Variants in CTNNA2 observed in about 807,000 individuals in gnomAD.
CTNNA2 encodes catenin alpha 2.
In CTNNA2, 42 loss-of-function variants were observed where a neutral mutation model predicts 101.0. That is an observed-to-expected ratio of 0.42 (90% CI 0.32 to 0.54). CTNNA2 has a LOEUF of 0.54. CTNNA2 is among the 20% of genes least tolerant of loss of function. The pLI is 0.14. For synonymous variants in CTNNA2, 450 were observed against 456.4 expected, an observed-to-expected ratio of 0.99 and a Z score of 0.18; for missense variants, 871 against 1,223.1, an observed-to-expected ratio of 0.71 and a Z score of 4.29.
At chr2:79,297,785 CT>C (rs1198282198) in intron 2 of CTNNA2, among the ~76,000 whole-genome samples, 4 of 152,274 alleles carry the variant, frequency 2.6e-5, no homozygotes, top group Admixed American at 2.6e-4. Context: ...TGTCAAACTG[CT>C]TTAACTCTAA....
At chr2:80,073,839 CA>C (rs1475517671) in intron 7 of CTNNA2, among the ~76,000 whole-genome samples, 1 of 151,672 alleles carries the variant, frequency 6.6e-6, no homozygotes, top group Non-Finnish European at 1.5e-5. Context: ...AATCATTTTT[CA>C]ATGTCATTAC....
chr2:80,316,666 G>T (rs1678157102), intron 7 of CTNNA2, among the ~76,000 whole-genome samples: 2 of 152,134 alleles, frequency 1.3e-5, no homozygotes, highest in Admixed American at 1.3e-4. Context: ...TGTGATGTTT[G>T]CTTGCCATAT....
intron 3 of CTNNA2, among the ~76,000 whole-genome samples, chr2:79,842,793 T>A (rs1679927204): frequency 1.3e-5 from 2 of 152,184 alleles, no homozygotes; most frequent in Admixed American, 6.5e-5. Flanking sequence ...GTATTTTGCC[T>A]GGTATCTACT....
chr2:80,583,720 C>G (rs989412396), intron 14 of CTNNA2, among the ~76,000 whole-genome samples: 1 of 152,112 alleles, frequency 6.6e-6, no homozygotes, highest in African/African-American at 2.4e-5. Context: ...AGAATAGAGT[C>G]GCAATATACT....
intron 1 of CTNNA2, among the ~76,000 whole-genome samples, chr2:79,516,265 A>G (rs1671803062): frequency 6.6e-6 from 1 of 152,238 alleles, no homozygotes. Flanking sequence ...AAACATTATT[A>G]TAATTAGGAG....
At chr2:79,972,180 G>A (rs1386131686) in intron 7 of CTNNA2, among the ~76,000 whole-genome samples, 1 of 152,130 alleles carries the variant, frequency 6.6e-6, no homozygotes, top group Non-Finnish European at 1.5e-5. Context: ...CCACACAAAA[G>A]GAGCAGAACC....
At chr2:79,544,110 G>A (rs906912486) in intron 1 of CTNNA2, among the ~76,000 whole-genome samples, 4 of 152,152 alleles carry the variant, frequency 2.6e-5, no homozygotes, top group Non-Finnish European at 5.9e-5. Flanking sequence ...GCTAATTTTT[G>A]TATTTTTGGT....
chr2:79,973,695 G>A (rs1391992122), intron 7 of CTNNA2, among the ~76,000 whole-genome samples: 1 of 152,150 alleles, frequency 6.6e-6, no homozygotes, highest in Non-Finnish European at 1.5e-5. Flanking sequence ...AACTATGTAT[G>A]TATTCACAGA....
chr2:80,381,550 G>A (rs1189825274), intron 7 of CTNNA2, among the ~76,000 whole-genome samples: 1 of 152,098 alleles, frequency 6.6e-6, no homozygotes, highest in East Asian at 1.9e-4. Flanking sequence ...GACAGGAAGA[G>A]GTCATTCTCA....
intron 7 of CTNNA2, among the ~76,000 whole-genome samples, chr2:80,013,872 C>T (rs1693953469): frequency 1.3e-5 from 2 of 152,190 alleles, no homozygotes; most frequent in African/African-American, 4.8e-5. Flanking sequence ...GCTGGCTCCT[C>T]CTCCAGTAGC....
chr2:79,485,964 G>T (rs548083553), intron 4 of CTNNA2, among the ~76,000 whole-genome samples: 1 of 152,078 alleles, frequency 6.6e-6, no homozygotes, highest in African/African-American at 2.4e-5. Flanking sequence ...GATGACCATC[G>T]TGTAAGTGGA....
intron 2 of CTNNA2, among the ~76,000 whole-genome samples, chr2:79,692,945 CA>C (rs942867403): frequency 2.0e-5 from 3 of 151,628 alleles, no homozygotes; most frequent in Non-Finnish European, 4.4e-5. Context: ...ATGGGTGCAG[CA>C]AACCACCATG....
rs78615891 is a variant in CTNNA2, at chr2:80,178,998, G to C, written c.1057-214213G>C. ...TGGACCAGTATGATATCTTGTGGAA[G>C]GGAAAAGCGATCAAGATCTTTGTGA... On this transcript the variant is annotated intron_variant, in intron 7 of 18. Transcript: ENST00000402739. 6.1e-4 allele frequency among the ~76,000 whole-genome samples: 93 copies of C among 152,322 alleles called. 2 individuals are homozygous for C. The East Asian group carries it at 0.014, about 23-fold the overall frequency.
chr2:80,120,071 A>G (rs984649159), intron 7 of CTNNA2, among the ~76,000 whole-genome samples: 3 of 152,132 alleles, frequency 2.0e-5, no homozygotes, highest in African/African-American at 7.2e-5. Context: ...CTGAGGAGGA[A>G]CTTTTTAAAT....
chr2:79,716,038 G>T (rs112253229), intron 2 of CTNNA2, among the ~76,000 whole-genome samples: 2 of 151,648 alleles, frequency 1.3e-5, no homozygotes, highest in African/African-American at 4.8e-5. Flanking sequence ...AAAAAAAAAG[G>T]CATTTTCAGA....
chr2:80,146,551 A>G (rs1010945438), intron 7 of CTNNA2, among the ~76,000 whole-genome samples: 2 of 151,826 alleles, frequency 1.3e-5, no homozygotes, highest in Non-Finnish European at 2.9e-5. Context: ...GAAATAGACC[A>G]TTCCCCAAAA....
chr2:79,675,582 T>C (rs1683128901), intron 2 of CTNNA2, among the ~76,000 whole-genome samples: 1 of 152,206 alleles, frequency 6.6e-6, no homozygotes. Context: ...AAATTTTATT[T>C]TCTAATTATT....
chr2:79,331,019 C>T (rs566979274), intron 3 of CTNNA2, among the ~76,000 whole-genome samples: 5 of 152,270 alleles, frequency 3.3e-5, no homozygotes, highest in Admixed American at 2.0e-4. Flanking sequence ...TGGCTCACCC[C>T]GTTAGGAATT....
Position 79,334,503 on chromosome 2 carries a change from G to A in CTNNA2, c.-318+21707G>A, listed in dbSNP as rs76060729. Reference sequence around the variant, plus strand: ...TAGACTAGGAGCATCCTGAGGGCAGGGCATGTTGGGGAAATAAGGCTATAC... The same window carrying A: ...TAGACTAGGAGCATCCTGAGGGCAGAGCATGTTGGGGAAATAAGGCTATAC... On this transcript the variant is annotated intron_variant, in intron 3 of 21. Transcript: ENST00000466387. Among the ~76,000 whole-genome samples the A allele has an allele frequency of 7.5e-4, 114 of 152,156 alleles. 1 individual carries two copies. In the East Asian group the frequency reaches 0.02, roughly 27 times the overall value.
Sources: allele counts gnomAD v4.1 joint callset (sites outside exome capture counted in the v4.1 genomes callset), GRCh38; gene constraint gnomAD v4.1.1; transcripts MANE v1.5; gene names NCBI Gene and HGNC (gene_info 2026-07-23, HGNC 2026-07-21).